The following CHCHD3 variants were observed in gnomAD, a reference collection of about 807,000 sequenced individuals.
The protein encoded by CHCHD3 is coiled-coil-helix-coiled-coil-helix domain containing 3.
A neutral mutation model predicts 38.2 loss-of-function variants in CHCHD3; 20 were observed. The observed-to-expected ratio is 0.52, with a 90% CI of 0.37 to 0.76. The LOEUF (loss-of-function observed/expected upper bound fraction) is 0.76. CHCHD3 is among the 30% of genes least tolerant of loss of function. CHCHD3 has a pLI of 0.00. For synonymous variants in CHCHD3, 82 were observed against 100.0 expected (o/e 0.82, Z 1.07); for missense variants, 245 against 279.2 (o/e 0.88, Z 0.87).
intron 6 of CHCHD3, among the ~76,000 whole-genome samples, chr7:132,828,711 A>G (rs949662000): frequency 6.6e-6 from 1 of 152,168 alleles, no homozygotes; most frequent in Non-Finnish European, 1.5e-5. Flanking sequence ...ATACATTCAT[A>G]AGTTAATTAT....
At chr7:132,949,857 T>C (rs1810996252) in intron 4 of CHCHD3, among the ~76,000 whole-genome samples, 2 of 152,148 alleles carry the variant, frequency 1.3e-5, no homozygotes, top group Non-Finnish European at 2.9e-5. Context: ...AAGATCATTG[T>C]AGAGTAGCAC....
At chr7:132,868,995 G>A (rs1808698772) in intron 5 of CHCHD3, among the ~76,000 whole-genome samples, 1 of 151,954 alleles carries the variant, frequency 6.6e-6, no homozygotes, top group Admixed American at 6.6e-5. Context: ...CTTACTCGAT[G>A]TTAACAACAA....
chr7:132,791,847 C>T (rs1806467992), intron 7 of CHCHD3, among the ~76,000 whole-genome samples: 1 of 152,174 alleles, frequency 6.6e-6, no homozygotes, highest in African/African-American at 2.4e-5. Flanking sequence ...GATCTAGCCT[C>T]ATTTACTGGG....
intron 4 of CHCHD3, among the ~76,000 whole-genome samples, chr7:132,956,730 G>T (rs1811182162): frequency 6.6e-6 from 1 of 152,160 alleles, no homozygotes; most frequent in South Asian, 2.1e-4. Context: ...ATAACTGATA[G>T]TCTAGGCCTT....
intron 5 of CHCHD3, among the ~76,000 whole-genome samples, chr7:132,879,716 T>TAAAAAAAAAAAAAAAA (rs56259114): frequency 4.2e-4 from 16 of 38,428 alleles, no homozygotes; most frequent in South Asian, 1.8e-3. Context: ...TTGTCAAAAG[T>TAAAAAAAAAAAAAAAA]AAAAAAAAAA....
chr7:132,788,304 G>C lies in CHCHD3; in HGVS notation c.661-2644C>G, dbSNP rs974307542. The stretch of plus-strand genomic sequence containing the variant: ...GATGCCACTTAGCCATTTGCATTTG[G>C]GGGGGTTATAGATTCACTGCTTTCT... On this transcript the variant is annotated intron_variant, in intron 7 of 7. Transcript: ENST00000262570. The surrounding 1 kb of genome is among the most constrained non-coding windows in gnomAD (Gnocchi z 4.0). Among the ~76,000 whole-genome samples the C allele has an allele frequency of 6.6e-6, 1 of 152,122 alleles. No homozygotes were observed. The highest frequency in any genetic ancestry group is 6.5e-5 in the Admixed American group (1 of 15,270).
intron 4 of CHCHD3, among the ~76,000 whole-genome samples, chr7:132,909,802 A>C (rs144240929): frequency 6.6e-6 from 1 of 152,306 alleles, no homozygotes; most frequent in East Asian, 1.9e-4. Context: ...ACCAGGCTCT[A>C]TTGACCATTT....
At chr7:133,076,122 C>A (rs1033374916) in intron 1 of CHCHD3, among the ~76,000 whole-genome samples, 1 of 149,496 alleles carries the variant, frequency 6.7e-6, no homozygotes, top group Non-Finnish European at 1.5e-5. Flanking sequence ...CTGAACCGGG[C>A]ACTTGTTTAA....
intron 4 of CHCHD3, among the ~76,000 whole-genome samples, chr7:132,929,355 C>T (rs1327277692): frequency 3.3e-5 from 5 of 152,116 alleles, no homozygotes; most frequent in African/African-American, 4.8e-5. Flanking sequence ...CATCCTCCAT[C>T]TGCCTTGCAG....
At chr7:133,027,430 AAGGG>A (rs71930619) in intron 2 of CHCHD3, among the ~76,000 whole-genome samples, 33,373 of 107,892 alleles carry the variant, frequency 0.31, 5,680 homozygotes, top group Non-Finnish European at 0.36. Context: ...AGAAGGAAGG[AAGGG>A]AGGGAGGGAG....
In CHCHD3 at chr7:133,035,621, G is replaced by A; in HGVS notation, c.170-10994C>T. 2 of 1,611,590 alleles carry A rather than the reference G, an allele frequency of 1.2e-6. No homozygotes were observed. The highest frequency in any genetic ancestry group is 1.7e-6 in the Non-Finnish European group (2 of 1,178,620). On this transcript the variant is annotated intron_variant, in intron 2 of 7. Coordinates refer to ENST00000262570, the MANE Select transcript of CHCHD3 (RefSeq NM_017812.4). The surrounding 1 kb of genome is among the most constrained non-coding windows in gnomAD (Gnocchi z 4.7). The stretch of plus-strand genomic sequence containing the variant: ...GGGGCACTATATCGGAATCAGCAAA[G>A]CTCACCCACTGCACCACCTGGGCTG...
intron 5 of CHCHD3, among the ~76,000 whole-genome samples, chr7:132,842,386 C>G (rs959440511): frequency 6.6e-6 from 1 of 152,100 alleles, no homozygotes; most frequent in African/African-American, 2.4e-5. Flanking sequence ...CCCATCTATC[C>G]TTCACCTAGG....
chr7:133,023,349 T>C (rs1383778381), intron 3 of CHCHD3, among the ~76,000 whole-genome samples: 5 of 152,188 alleles, frequency 3.3e-5, no homozygotes, highest in Non-Finnish European at 7.4e-5. Flanking sequence ...TCAAAAGAAA[T>C]ATTAAATAAT....
At chr7:132,994,634 A>G (rs1306472223) in intron 3 of CHCHD3, among the ~76,000 whole-genome samples, 1 of 152,228 alleles carries the variant, frequency 6.6e-6, no homozygotes, top group African/African-American at 2.4e-5. Context: ...AAAAGGATAA[A>G]TCGCCTCTTA....
At chr7:132,967,793 C>T (rs1811509101) in intron 4 of CHCHD3, among the ~76,000 whole-genome samples, 1 of 148,810 alleles carries the variant, frequency 6.7e-6, no homozygotes, top group African/African-American at 2.5e-5. Flanking sequence ...TCATGCACTG[C>T]ACTCCAGCCT....
chr7:132,921,628 CACAACA>C (rs5887601), intron 4 of CHCHD3, among the ~76,000 whole-genome samples: 145 of 150,838 alleles, frequency 9.6e-4, no homozygotes, highest in African/African-American at 1.9e-3. Flanking sequence ...ATATGACACA[CACAACA>C]ACAACAACAA....
At chr7:132,999,998 C>T (rs1414307990) in intron 3 of CHCHD3, among the ~76,000 whole-genome samples, 1 of 152,118 alleles carries the variant, frequency 6.6e-6, no homozygotes, top group Non-Finnish European at 1.5e-5. Flanking sequence ...TATATCATGA[C>T]ATTATATAAT....
intron 5 of CHCHD3, among the ~76,000 whole-genome samples, chr7:132,839,801 T>C (rs1047446762): frequency 6.6e-6 from 1 of 152,202 alleles, no homozygotes; most frequent in East Asian, 1.9e-4. Context: ...GCTAGAGCCA[T>C]AGACAGGTCA....
chr7:132,868,266 T>C (rs1808681852), intron 5 of CHCHD3, among the ~76,000 whole-genome samples: 1 of 152,128 alleles, frequency 6.6e-6, no homozygotes, highest in African/African-American at 2.4e-5. Context: ...AAAAATAAAT[T>C]TAAATTACAA....
Sources: gnomAD v4.1 joint callset for allele counts (sites outside exome capture counted in the v4.1 genomes callset) on GRCh38, gnomAD v4.1.1 for gene constraint, Gnocchi (gnomAD v3.1) non-coding constraint, MANE v1.5 for transcripts, NCBI Gene and HGNC (gene_info 2026-07-23, HGNC 2026-07-21) for gene names.